Variants in CTNNA2 observed in about 807,000 individuals in gnomAD.
CTNNA2 encodes the protein catenin alpha-2.
CTNNA2 carries 42 observed loss-of-function variants against 101.0 expected under a neutral mutation model. The ratio of observed to expected loss-of-function variants is 0.42; its 90% confidence interval spans 0.32 to 0.54. The LOEUF is 0.54. Among genes scored for constraint, CTNNA2 ranks in the 20% least tolerant of loss-of-function variants. The pLI is 0.14. For synonymous variants in CTNNA2, 450 were observed against 456.4 expected (o/e 0.99, Z 0.18); for missense variants, 871 against 1,223.1 (o/e 0.71, Z 4.29).
chr2:79,404,128 A>T (rs759722514), intron 4 of CTNNA2, among the ~76,000 whole-genome samples: 1 of 141,224 alleles, frequency 7.1e-6, no homozygotes, highest in Non-Finnish European at 1.6e-5. Flanking sequence ...TCTTGCCCTG[A>T]TTTCTGAATA....
intron 7 of CTNNA2, among the ~76,000 whole-genome samples, chr2:79,914,664 G>T (rs889287804): frequency 1.2e-4 from 19 of 152,166 alleles, no homozygotes; most frequent in African/African-American, 4.6e-4. Context: ...TGATGGCAGA[G>T]ATCCTGGTGG....
At chr2:80,272,762 C>T (rs1486339034) in intron 7 of CTNNA2, among the ~76,000 whole-genome samples, 7 of 152,092 alleles carry the variant, frequency 4.6e-5, no homozygotes, top group Non-Finnish European at 1.0e-4. Flanking sequence ...CCTACTTATG[C>T]TAAAAATAAT....
intron 7 of CTNNA2, among the ~76,000 whole-genome samples, chr2:80,114,976 CA>C (rs781645414): frequency 3.3e-5 from 5 of 152,144 alleles, no homozygotes; most frequent in Non-Finnish European, 5.9e-5. Context: ...TTGGCATTAT[CA>C]GAAGCTATGT....
chr2:80,342,548 GTT>G (rs1329121214), intron 7 of CTNNA2, among the ~76,000 whole-genome samples: 2 of 152,128 alleles, frequency 1.3e-5, no homozygotes, highest in Non-Finnish European at 2.9e-5. Context: ...TATTTGAAGA[GTT>G]TTATTTTTTC....
intron 7 of CTNNA2, among the ~76,000 whole-genome samples, chr2:80,246,864 C>A (rs1671368046): frequency 6.6e-6 from 1 of 152,178 alleles, no homozygotes; most frequent in Admixed American, 6.5e-5. Context: ...ACCTCTGAGA[C>A]CCTGAGACAC....
At chr2:79,268,156 G>C (rs1385124799) in intron 2 of CTNNA2, among the ~76,000 whole-genome samples, 1 of 152,094 alleles carries the variant, frequency 6.6e-6, no homozygotes, top group Non-Finnish European at 1.5e-5. Flanking sequence ...AGTTGACCTA[G>C]TATCAACAGG....
intron 6 of CTNNA2, among the ~76,000 whole-genome samples, chr2:79,894,033 TTCTTC>T (rs1558619463): frequency 8.2e-5 from 12 of 145,870 alleles, no homozygotes; most frequent in African/African-American, 3.1e-4. Flanking sequence ...CTTCTTCTTC[TTCTTC>T]TTCTTCTTCT....
At chr2:79,466,340 C>T (rs919230002) in intron 4 of CTNNA2, among the ~76,000 whole-genome samples, 5 of 152,282 alleles carry the variant, frequency 3.3e-5, no homozygotes, top group East Asian at 1.9e-4. Flanking sequence ...GAGGGGTCCC[C>T]GCCATTGCTG....
At chr2:80,217,862 G>A (rs559595946) in intron 7 of CTNNA2, among the ~76,000 whole-genome samples, 88 of 152,252 alleles carry the variant, frequency 5.8e-4, no homozygotes, top group African/African-American at 2.0e-3. Flanking sequence ...AGAGCAGAGC[G>A]CTCCCAGAAC....
chr2:80,393,297 AT>A lies in CTNNA2; in HGVS notation c.1137+12del. On this transcript the variant is annotated splice_region_variant and intron_variant, in intron 8 of 18. Transcript: ENST00000402739. ...CAAGAGATCTAAGGAGACAGGTACT[AT>A]TTTTTATTTTTACTTTAAGTCCATG... 1 of 1,590,996 alleles carries A rather than the reference AT, an allele frequency of 6.3e-7. No individual in the cohort carries two copies. Among genetic ancestry groups the A allele is most frequent in the South Asian group, 1.1e-5 (1 of 88,294 alleles).
chr2:79,348,147 G>A (rs977992040), intron 3 of CTNNA2, among the ~76,000 whole-genome samples: 2 of 152,022 alleles, frequency 1.3e-5, no homozygotes. Flanking sequence ...AATGCAAAAC[G>A]ACTTACTTTG....
intron 2 of CTNNA2, among the ~76,000 whole-genome samples, chr2:79,311,569 G>T (rs1405787010): frequency 6.6e-6 from 1 of 152,094 alleles, no homozygotes; most frequent in Non-Finnish European, 1.5e-5. Flanking sequence ...GTCCCCCGGT[G>T]ACAGTCGCTT....
intron 7 of CTNNA2, among the ~76,000 whole-genome samples, chr2:80,282,157 G>A (rs1306452752): frequency 6.6e-6 from 1 of 152,004 alleles, no homozygotes; most frequent in Admixed American, 6.6e-5. Flanking sequence ...TGCCACAGTA[G>A]AGTCTTAAGA....
intron 4 of CTNNA2, among the ~76,000 whole-genome samples, chr2:79,497,877 G>A (rs531771748): frequency 1.3e-5 from 2 of 152,112 alleles, no homozygotes; most frequent in Non-Finnish European, 2.9e-5. Flanking sequence ...CAGAAAACCC[G>A]CTTCCAATTT....
intron 17 of CTNNA2, among the ~76,000 whole-genome samples, chr2:80,612,751 A>C (rs1302285154): frequency 2.0e-5 from 3 of 151,344 alleles, no homozygotes; most frequent in Admixed American, 2.0e-4. Flanking sequence ...TTTTTTCTTA[A>C]TTTTTATATC....
chr2:79,749,734 AC>A (rs1349901015), intron 3 of CTNNA2, among the ~76,000 whole-genome samples: 3 of 152,114 alleles, frequency 2.0e-5, no homozygotes, highest in African/African-American at 7.2e-5. Context: ...TCACTTAACC[AC>A]TTTTAGCTTC....
intron 18 of CTNNA2, among the ~76,000 whole-genome samples, chr2:80,638,671 A>T (rs894091619): frequency 4.6e-5 from 7 of 152,206 alleles, no homozygotes; most frequent in Admixed American, 3.3e-4. Flanking sequence ...TCTAAGCCAT[A>T]TTTAGGAAAT....
chr2:79,998,778 C>T (rs1260397894), intron 7 of CTNNA2, among the ~76,000 whole-genome samples: 2 of 152,104 alleles, frequency 1.3e-5, no homozygotes, highest in African/African-American at 2.4e-5. Context: ...ATATTTATGC[C>T]TATGGCCTTC....
intron 12 of CTNNA2, chr2:80,573,400 G>C (rs894508978): frequency 2.0e-5 from 3 of 152,048 alleles, no homozygotes; most frequent in Non-Finnish European, 4.4e-5. Flanking sequence ...TTCACATCCG[G>C]GTGGTCCTGG....
Sources: gnomAD v4.1 joint callset for allele counts (sites outside exome capture counted in the v4.1 genomes callset) on GRCh38, gnomAD v4.1.1 for gene constraint, MANE v1.5 for transcripts, NCBI Gene and HGNC (gene_info 2026-07-23, HGNC 2026-07-21) for gene names.